The following FBN2 variants were observed in gnomAD, a reference collection of about 807,000 sequenced individuals.
The protein encoded by FBN2 is fibrillin-2.
In FBN2, 105 loss-of-function variants were observed where a neutral mutation model predicts 355.6. The observed-to-expected ratio is 0.30, with a 90% CI of 0.25 to 0.35. The LOEUF (loss-of-function observed/expected upper bound fraction) is 0.35, where lower values mean the gene tolerates loss of function less well. FBN2 is among the 10% of genes least tolerant of loss of function. The pLI is 1.00. For synonymous variants in FBN2, 1,350 were observed against 1,301.2 expected, an observed-to-expected ratio of 1.04 and a Z score of -0.81; for missense variants, 3,280 against 3,758.7, an observed-to-expected ratio of 0.87 and a Z score of 3.33.
intron 34 of FBN2, among the ~76,000 whole-genome samples, chr5:128,322,696 G>T (rs562675338): frequency 1.1e-4 from 16 of 152,218 alleles, no homozygotes; most frequent in African/African-American, 3.6e-4. Context: ...GGCCTTGTAG[G>T]ATAGTTTGAA....
At chr5:128,362,235 T>A (rs920171332) in intron 18 of FBN2, among the ~76,000 whole-genome samples, 13 of 152,216 alleles carry the variant, frequency 8.5e-5, no homozygotes, top group East Asian at 5.8e-4. Flanking sequence ...ACAGAAGGCA[T>A]TTTTTATGAT....
chr5:128,397,037 C>T (rs35318989), intron 8 of FBN2, among the ~76,000 whole-genome samples: 13,509 of 152,132 alleles, frequency 0.089, 715 homozygotes, highest in Non-Finnish European at 0.13. Flanking sequence ...CTTTAAGATA[C>T]TCTGTATAAG....
chr5:128,271,305 G>C (rs541210730), intron 62 of FBN2, among the ~76,000 whole-genome samples: 2 of 152,302 alleles, frequency 1.3e-5, no homozygotes, highest in South Asian at 4.1e-4. Flanking sequence ...GTTGGTTGGA[G>C]TGTCTGTGAA....
At chr5:128,528,616 G>C (rs1756629030) in intron 3 of FBN2, among the ~76,000 whole-genome samples, 2 of 152,150 alleles carry the variant, frequency 1.3e-5, no homozygotes, top group Non-Finnish European at 2.9e-5. Flanking sequence ...TTCTTCTGAA[G>C]AATGGAGAGA....
At chr5:128,376,648 C>T in intron 14 of FBN2, 83 bp downstream of exon 14, 2 of 1,494,112 alleles carry the variant, frequency 1.3e-6, no homozygotes, top group East Asian at 2.3e-5. Context: ...CATGGGGAAG[C>T]TGAAGTAATT....
intron 57 of FBN2, 64 bp downstream of exon 57, chr5:128,278,570 AC>A: frequency 2.7e-6 from 4 of 1,464,754 alleles, no homozygotes; most frequent in Non-Finnish European, 2.9e-6. Flanking sequence ...CTTTTCCTTC[AC>A]ATTTATCTGA....
At chr5:128,403,441 C>T (rs1377968607) in intron 8 of FBN2, among the ~76,000 whole-genome samples, 1 of 152,186 alleles carries the variant, frequency 6.6e-6, no homozygotes, top group East Asian at 1.9e-4. Context: ...GGTCCCTGTG[C>T]TTAGGGTCCT....
At chr5:128,465,668 G>C (rs1186516072) in intron 5 of FBN2, among the ~76,000 whole-genome samples, 2 of 152,188 alleles carry the variant, frequency 1.3e-5, no homozygotes, top group African/African-American at 4.8e-5. Flanking sequence ...ACGTAAGTTA[G>C]TATTATATGA....
chr5:128,263,742 AT>A, intron 62 of FBN2, 86 bp from the exon 63 acceptor site: 2 of 828,476 alleles, frequency 2.4e-6, no homozygotes, highest in Non-Finnish European at 3.9e-6. Context: ...AGTGCCTGTG[AT>A]TTTATGGCAG....
chr5:128,480,656 G>A (rs1262055475), intron 5 of FBN2, among the ~76,000 whole-genome samples: 4 of 152,096 alleles, frequency 2.6e-5, no homozygotes, highest in Admixed American at 6.5e-5. Context: ...GTTGCAGTGA[G>A]CCAAGATTGC....
At position 128,330,708 on chromosome 5, in the gene FBN2, G is replaced by A; in HGVS notation, c.4223-13C>T. 1 of 1,613,574 alleles carries A rather than the reference G, an allele frequency of 6.2e-7. No individual in the cohort carries two copies. Among genetic ancestry groups the A allele is most frequent in the Non-Finnish European group, 8.5e-7 (1 of 1,179,542 alleles). On this transcript the variant is annotated splice_polypyrimidine_tract_variant and intron_variant, in intron 32 of 64. Coordinates refer to ENST00000262464, the MANE Select transcript of FBN2 (RefSeq NM_001999.4). ...CATTCGTCCAGATCTGCAGAACACA[G>A]CAATAAAGTTCAGAAATGAAAATGG...
At chr5:128,335,074 C>T (rs959939877) in intron 30 of FBN2, 96 bp downstream of exon 30, 1 of 1,528,734 alleles carries the variant, frequency 6.5e-7, no homozygotes, top group Non-Finnish European at 9.0e-7. Context: ...TTTAAAATAA[C>T]AACAGAAAAA....
intron 16 of FBN2, among the ~76,000 whole-genome samples, chr5:128,366,944 T>C (rs555208416): frequency 1.3e-5 from 2 of 152,054 alleles, no homozygotes; most frequent in East Asian, 1.9e-4. Flanking sequence ...GTCACAGAGG[T>C]TGTAAGTGGA....
At chr5:128,489,173 C>T (rs1234802155) in intron 5 of FBN2, among the ~76,000 whole-genome samples, 4 of 152,080 alleles carry the variant, frequency 2.6e-5, no homozygotes, top group African/African-American at 7.2e-5. Context: ...TGTTTCCTGA[C>T]TTTTTAATGA....
chr5:128,537,831 G>A lies in FBN2; in HGVS notation c.-228C>T, dbSNP rs1185413046. On this transcript the variant is annotated 5_prime_UTR_variant, in exon 1 of 65. Transcript: ENST00000262464. ...CCGGGTCTAGCGCAGTGAGCGGCGA[G>A]GCGCGGCGGAGGTGCAGCCGGCAGC... is the stretch of plus-strand genomic sequence containing the variant. The A allele has an allele frequency of 1.7e-6, 1 of 599,478 alleles. No individual in the cohort carries two copies. The highest frequency in any genetic ancestry group is 3.0e-6 in the Non-Finnish European group (1 of 338,124). The allele number at this position is 599,478 out of a possible 1,614,324, so 37.1% of individuals were successfully genotyped here. A position where few individuals can be genotyped will look rare whatever the true frequency, so the allele number is the denominator to read the frequency against.
chr5:128,364,499 G>T, intron 18 of FBN2, 101 bp downstream of exon 18: 1 of 1,245,242 alleles, frequency 8.0e-7, no homozygotes, highest in Non-Finnish European at 1.1e-6. Flanking sequence ...AAGAAAAACT[G>T]TACAATTTTT....
intron 34 of FBN2, among the ~76,000 whole-genome samples, chr5:128,321,529 G>T (rs1750374403): frequency 6.6e-6 from 1 of 152,140 alleles, no homozygotes; most frequent in African/African-American, 2.4e-5. Flanking sequence ...ACCTATGAGT[G>T]AGAACATGCA....
chr5:128,362,551 T>G (rs1251957208), intron 18 of FBN2, among the ~76,000 whole-genome samples: 2 of 152,202 alleles, frequency 1.3e-5, no homozygotes, highest in African/African-American at 2.4e-5. Context: ...GCTTTGAACT[T>G]CTTGGCTCAA....
chr5:128,488,369 G>A (rs950760232), intron 5 of FBN2, among the ~76,000 whole-genome samples: 21 of 152,074 alleles, frequency 1.4e-4, no homozygotes, highest in African/African-American at 3.9e-4. Context: ...TCAATCTATC[G>A]TGTATCTTAT....
Sources: gnomAD v4.1 joint callset for allele counts (sites outside exome capture counted in the v4.1 genomes callset) on GRCh38, gnomAD v4.1.1 for gene constraint, MANE v1.5 for transcripts, NCBI Gene and HGNC (gene_info 2026-07-23, HGNC 2026-07-21) for gene names.